The following TFPI variants were observed in gnomAD, a reference collection of about 807,000 sequenced individuals.
TFPI encodes the protein tissue factor pathway inhibitor.
A neutral mutation model predicts 34.6 loss-of-function variants in TFPI; 15 were observed. The observed-to-expected ratio is 0.43, with a 90% confidence interval of 0.29 to 0.67. The LOEUF (loss-of-function observed/expected upper bound fraction) is 0.67, where lower values mean the gene tolerates loss of function less well. TFPI is among the 30% of genes least tolerant of loss of function. The pLI is 0.15. For missense variants in TFPI, 301 were observed against 364.0 expected, an observed-to-expected ratio of 0.83 and a Z score of 1.41; for synonymous variants, 105 against 120.1, an observed-to-expected ratio of 0.87 and a Z score of 0.82.
intron 3 of TFPI, among the ~76,000 whole-genome samples, chr2:187,495,356 A>G (rs1685402506): frequency 6.6e-6 from 1 of 152,200 alleles, no homozygotes; most frequent in South Asian, 2.1e-4. Context: ...ATGATTTTCA[A>G]CTCAACACAA....
At chr2:187,520,379 G>A (rs1395950597) in intron 1 of TFPI, among the ~76,000 whole-genome samples, 1 of 152,060 alleles carries the variant, frequency 6.6e-6, no homozygotes, top group Non-Finnish European at 1.5e-5. Flanking sequence ...GTTCCTCTTG[G>A]CTTCCCCTGG....
intron 2 of TFPI, among the ~76,000 whole-genome samples, chr2:187,503,343 T>G (rs1685975881): frequency 6.6e-6 from 1 of 152,096 alleles, no homozygotes; most frequent in African/African-American, 2.4e-5. Flanking sequence ...TACAACATTT[T>G]GCTCCTTGCA....
At chr2:187,479,360 C>G (rs904649116) in intron 6 of TFPI, among the ~76,000 whole-genome samples, 2 of 151,428 alleles carry the variant, frequency 1.3e-5, no homozygotes, top group East Asian at 3.9e-4. Context: ...CTTTTTGTCT[C>G]TCTCTCTCTA....
chr2:187,540,482 GGAAA>G (rs1688519793), intron 1 of TFPI, among the ~76,000 whole-genome samples: 1 of 152,006 alleles, frequency 6.6e-6, no homozygotes, highest in Non-Finnish European at 1.5e-5. Context: ...CTGAAAACTT[GGAAA>G]GAAAGCTCGA....
At chr2:187,479,546 CATATATATATATATATATAT>C (rs35837997) in intron 6 of TFPI, among the ~76,000 whole-genome samples, 925 of 63,314 alleles carry the variant, frequency 0.015, 13 homozygotes, top group Middle Eastern at 0.094. Flanking sequence ...ATATCACGTT[CATATATATATATATATATAT>C]ATATATATAT....
At chr2:187,508,965 G>A (rs538507669) in intron 1 of TFPI, among the ~76,000 whole-genome samples, 3 of 152,142 alleles carry the variant, frequency 2.0e-5, no homozygotes, top group Non-Finnish European at 2.9e-5. Flanking sequence ...TTTGAGATAC[G>A]TTCCATCAAT....
At chr2:187,510,599 C>T (rs548028216) in intron 1 of TFPI, among the ~76,000 whole-genome samples, 16 of 152,318 alleles carry the variant, frequency 1.1e-4, no homozygotes, top group South Asian at 4.1e-4. Context: ...GGCAGCCCGG[C>T]GCTGTGCCCT....
At position 187,484,912 on chromosome 2, in the gene TFPI, TTG is replaced by T. The variant is rs767936169; in HGVS notation, c.432_433del (p.Asn144LysfsTer7). On this transcript the variant is annotated frameshift_variant, in exon 5 of 8. Coordinates refer to ENST00000233156, the MANE Select transcript of TFPI (RefSeq NM_006287.6). LOFTEE classifies it high-confidence loss of function. ...GAAACGTTCACACTGTTTTGTCTGATTGTTATAAAAATACCTGGTAATATAAC... is the reference window on the plus strand; with the variant it reads ...GAAACGTTCACACTGTTTTGTCTGATTTATAAAAATACCTGGTAATATAAC... The T allele has an allele frequency of 6.3e-7, 1 of 1,587,820 alleles. No individual in the cohort carries two copies. The highest frequency in any genetic ancestry group is 8.5e-7 in the Non-Finnish European group (1 of 1,170,144).
At chr2:187,513,475 T>C in intron 1 of TFPI, 1 of 152,448 alleles carries the variant, frequency 6.6e-6, no homozygotes, top group South Asian at 2.1e-4. Flanking sequence ...TCTAATTTCT[T>C]AAAAATTATA....
At chr2:187,472,678 A>G (rs1225764880) in intron 6 of TFPI, among the ~76,000 whole-genome samples, 2 of 152,234 alleles carry the variant, frequency 1.3e-5, no homozygotes, top group Non-Finnish European at 2.9e-5. Flanking sequence ...AATGTCATTA[A>G]TTTGAAGATG....
At chr2:187,534,722 T>A (rs1011460933) in intron 1 of TFPI, among the ~76,000 whole-genome samples, 7 of 152,030 alleles carry the variant, frequency 4.6e-5, no homozygotes, top group Non-Finnish European at 1.0e-4. Context: ...CATAGCAATA[T>A]TAACCTTAAA....
chr2:187,510,259 G>A (rs552377777), intron 1 of TFPI, among the ~76,000 whole-genome samples: 5 of 152,184 alleles, frequency 3.3e-5, no homozygotes, highest in African/African-American at 1.2e-4. Flanking sequence ...TGTTCCCTTA[G>A]TTACGCACTC....
intron 5 of TFPI, chr2:187,484,539 C>T: frequency 2.1e-6 from 1 of 477,850 alleles, no homozygotes; most frequent in Non-Finnish European, 3.6e-6. Flanking sequence ...TGAAAGATTT[C>T]AGCAATTCTA....
chr2:187,537,736 A>G (rs189847840), intron 1 of TFPI, among the ~76,000 whole-genome samples: 3,538 of 152,332 alleles, frequency 0.023, 56 homozygotes, highest in Non-Finnish European at 0.034. Context: ...AAATTGACAA[A>G]TGGGATCTAA....
At chr2:187,477,589 G>C (rs1461858032) in intron 6 of TFPI, among the ~76,000 whole-genome samples, 1 of 152,100 alleles carries the variant, frequency 6.6e-6, no homozygotes, top group East Asian at 1.9e-4. Flanking sequence ...CATGGTTTCA[G>C]TATTCCTCTA....
intron 1 of TFPI, among the ~76,000 whole-genome samples, chr2:187,540,903 A>G (rs1247097277): frequency 1.3e-5 from 2 of 151,364 alleles, no homozygotes; most frequent in Admixed American, 6.6e-5. Context: ...AAAAAAAAAA[A>G]AAAAGAAAAA....
chr2:187,534,560 C>CT (rs1688139108), intron 1 of TFPI, among the ~76,000 whole-genome samples: 1 of 152,168 alleles, frequency 6.6e-6, no homozygotes, highest in Non-Finnish European at 1.5e-5. Context: ...ACAAGAGCTC[C>CT]TGAAGGAGGC....
intron 1 of TFPI, chr2:187,516,450 A>G (rs1382270957): frequency 1.3e-5 from 2 of 152,164 alleles, no homozygotes; most frequent in Non-Finnish European, 2.9e-5. Flanking sequence ...TGCTACCTGT[A>G]CTCCTTCAAG....
intron 1 of TFPI, among the ~76,000 whole-genome samples, chr2:187,550,788 T>C (rs1689068803): frequency 6.6e-6 from 1 of 152,166 alleles, no homozygotes; most frequent in African/African-American, 2.4e-5. Context: ...AAATGGACTT[T>C]AAAATATTAC....
Sources: gnomAD v4.1 joint callset for allele counts (sites outside exome capture counted in the v4.1 genomes callset) on GRCh38, gnomAD v4.1.1 for gene constraint, MANE v1.5 for transcripts, NCBI Gene and HGNC (gene_info 2026-07-23, HGNC 2026-07-21) for gene names.